Variants in C12orf57 observed in about 807,000 individuals in gnomAD.
C12orf57 encodes chromosome 12 open reading frame 57, also known as protein C10.
C12orf57 carries 14 observed loss-of-function variants against 11.3 expected under a neutral mutation model. That is an observed-to-expected ratio of 1.24 (90% CI 0.82 to 1.94). C12orf57 has a LOEUF of 1.94. Among genes scored for constraint, C12orf57 ranks in the 30% most tolerant of loss-of-function variants. The probability of loss-of-function intolerance (pLI) is 0.00; values close to 1 mark genes in which losing one functional copy is unlikely to be tolerated. For missense variants in C12orf57, 229 were observed against 172.4 expected, an observed-to-expected ratio of 1.33 and a Z score of -1.84; for synonymous variants, 100 against 74.6, an observed-to-expected ratio of 1.34 and a Z score of -1.76.
At chr12:6,945,659 A>C (rs781997047) in intron 2 of C12orf57, 112 bp from the exon 3 acceptor site, 43 of 1,196,180 alleles carry the variant, frequency 3.6e-5, no homozygotes, top group Non-Finnish European at 5.2e-5. Flanking sequence ...TGTTTGGCAA[A>C]CAGCTGCCCA....
intron 2 of C12orf57, 49 bp downstream of exon 2, chr12:6,944,701 G>C (rs1286312976): frequency 6.3e-7 from 1 of 1,599,490 alleles, no homozygotes; most frequent in African/African-American, 1.3e-5. Context: ...GCGGGAGTTG[G>C]GTCGGGAGAG....
At position 6,944,512 on chromosome 12, in the gene C12orf57, C is replaced by A. The variant is rs782646361; in HGVS notation, c.89C>A (p.Pro30Gln). ...LAEVIQAFSA[P>Q]ENAVRMDEAR... ...GAGGTGATCCAGGCGTTCTCCGCCC[C>A]GGAGAATGCAGTGCGCATGGACGAG... Residue 30 changes from proline to glutamine, a missense_variant, in exon 2 of 3, where the codon CCG becomes CAG. Physicochemically the swap from Pro to Gln is moderately conservative, Grantham distance 76. Coordinates refer to ENST00000229281, the MANE Select transcript of C12orf57 (RefSeq NM_138425.4). 6.2e-7 allele frequency: 1 copy of A among 1,613,400 alleles called. No individual in the cohort carries two copies. The highest frequency in any genetic ancestry group is 1.3e-5 in the African/African-American group (1 of 74,924).
intron 2 of C12orf57, among the ~76,000 whole-genome samples, chr12:6,945,353 C>G (rs1945775347): frequency 6.6e-6 from 1 of 152,110 alleles, no homozygotes; most frequent in African/African-American, 2.4e-5. Flanking sequence ...GGTGTTTCAG[C>G]TAATTTTTGT....
In C12orf57 at chr12:6,944,126, C is replaced by CG; in HGVS notation, c.6dup (p.Ser3ValfsTer12). On this transcript the variant is annotated frameshift_variant, in exon 1 of 3. Coordinates refer to ENST00000229281, the MANE Select transcript of C12orf57 (RefSeq NM_138425.4). LOFTEE classifies it high-confidence loss of function. ...ACCTAGAGCTTCAGACGCCCTATGG[C>CG]GTCCGCCTCGACCCAACCGGCGGCC... The CG allele has an allele frequency of 6.2e-7, 1 of 1,614,252 alleles. No individual in the cohort carries two copies. Among genetic ancestry groups the CG allele is most frequent in the Non-Finnish European group, 8.5e-7 (1 of 1,180,046 alleles).
Position 6,944,504 on chromosome 12 carries a change from C to T in C12orf57, c.81C>T (p.Phe27=), listed in dbSNP as rs781824392. ...TCCTCGCGGAGGTGATCCAGGCGTT[C>T]TCCGCCCCGGAGAATGCAGTGCGCA... ...KVVLAEVIQA[F]SAPENAVRMD... is the part of the protein sequence containing the mutation. The change falls in exon 2 of 3, where the codon TTC becomes TTT. Residue 27 remains phenylalanine (F), a synonymous_variant. Coordinates refer to ENST00000229281, the MANE Select transcript of C12orf57 (RefSeq NM_138425.4). 6.2e-7 allele frequency: 1 copy of T among 1,613,246 alleles called. No individual in the cohort carries two copies. Among genetic ancestry groups the T allele is most frequent in the African/African-American group, 1.3e-5 (1 of 75,046 alleles).
chr12:6,944,205 C>T (rs1223015885), intron 1 of C12orf57, 32 bp downstream of exon 1: 12 of 1,565,866 alleles, frequency 7.7e-6, no homozygotes, highest in South Asian at 2.3e-5. Context: ...GCATAGGCTG[C>T]TGGCCTGGGG....
At chr12:6,943,949 G>C (rs782166951), upstream of C12orf57, 39 of 1,474,678 alleles carry the variant, frequency 2.6e-5, no homozygotes, top group African/African-American at 4.1e-4. Context: ...TGGTGGTCTT[G>C]ATGCAGTTGT....
upstream of C12orf57, chr12:6,943,998 T>C: frequency 3.1e-6 from 5 of 1,590,688 alleles, no homozygotes; most frequent in Non-Finnish European, 3.4e-6. Context: ...GCCTGGGCGC[T>C]TCCGGCTGCG....
chr12:6,943,982 G>C (rs953516243), upstream of C12orf57: 149 of 1,578,340 alleles, frequency 9.4e-5, no homozygotes, highest in Non-Finnish European at 1.3e-4. Context: ...TGAAGGTTTG[G>C]GCCACGCCTG....
upstream of C12orf57, chr12:6,943,481 A>T: frequency 7.9e-7 from 1 of 1,267,466 alleles, no homozygotes; most frequent in South Asian, 1.3e-5. Flanking sequence ...TCATCAATAG[A>T]CAAGGCCTTT....
chr12:6,943,528 A>G (rs1483085241), upstream of C12orf57: 3 of 1,286,574 alleles, frequency 2.3e-6, no homozygotes, highest in Admixed American at 7.1e-5. Context: ...CTGGGCCTTT[A>G]CTGCCGAATC....
intron 1 of C12orf57, 30 bp downstream of exon 1, chr12:6,944,203 TGCTG>T: frequency 6.4e-7 from 1 of 1,565,856 alleles, no homozygotes; most frequent in Non-Finnish European, 8.8e-7. Context: ...AGGCATAGGC[TGCTG>T]GCCTGGGGTA....
At position 6,944,061 on chromosome 12, in the gene C12orf57, G is replaced by A. The variant is rs1016125994; in HGVS notation, c.-61G>A. Reference sequence around the variant, plus strand: ...GGGGCGTTGGGAACGGTTGTAGGACGTGGCTCTTTATTCGTGAGTTTTCCA... The same window carrying A: ...GGGGCGTTGGGAACGGTTGTAGGACATGGCTCTTTATTCGTGAGTTTTCCA... On this transcript the variant is annotated 5_prime_UTR_variant, in exon 1 of 3. In the 5' UTR this introduces an upstream ATG that the reference lacks. Coordinates refer to ENST00000229281, the MANE Select transcript of C12orf57 (RefSeq NM_138425.4). 50 of 1,613,110 alleles carry A rather than the reference G, an allele frequency of 3.1e-5. No homozygotes were observed. Among genetic ancestry groups the A allele is most frequent in the East Asian group, 2.5e-4 (11 of 44,878 alleles).
At chr12:6,944,006 G>T, upstream of C12orf57, 1 of 1,596,836 alleles carries the variant, frequency 6.3e-7, no homozygotes, top group Non-Finnish European at 8.5e-7. Flanking sequence ...GCTTCCGGCT[G>T]CGCCGGATGC....
upstream of C12orf57, chr12:6,943,768 A>T (rs1041448953): frequency 5.7e-6 from 6 of 1,057,568 alleles, no homozygotes; most frequent in South Asian, 3.2e-5. Flanking sequence ...ACCCTCATCA[A>T]TTGTGGAGTT....
Position 6,945,771 on chromosome 12 carries a change from G to A in C12orf57, c.230G>A (p.Gly77Asp). 1 of 1,613,554 alleles carries A rather than the reference G, an allele frequency of 6.2e-7. No homozygotes were observed. Among genetic ancestry groups the A allele is most frequent in the East Asian group, 2.2e-5 (1 of 44,862 alleles). Residue 77 changes from glycine (G) to aspartate (D), a missense_variant and splice_region_variant, in exon 3 of 3, where the codon GGT becomes GAT. Physicochemically the swap from Gly to Asp is moderately conservative, Grantham distance 94. Transcript: ENST00000229281. ...KAYGFSCDGE[G>D]VLKFARLVKS... ...GTTGACCTTCCACTCCCTCTTGCAG[G>A]TGTCCTTAAGTTTGCTCGCTTGGTC... is the stretch of plus-strand genomic sequence containing the variant.
Position 6,944,057 on chromosome 12 carries a change from G to T in C12orf57, c.-65G>T, listed in dbSNP as rs782634865. ...CCCAGGGGCGTTGGGAACGGTTGTAGGACGTGGCTCTTTATTCGTGAGTTT... is the reference window on the plus strand; with the variant it reads ...CCCAGGGGCGTTGGGAACGGTTGTATGACGTGGCTCTTTATTCGTGAGTTT... On this transcript the variant is annotated 5_prime_UTR_variant, in exon 1 of 3. The change creates a new upstream start codon in the 5' untranslated region. Coordinates refer to ENST00000229281, the MANE Select transcript of C12orf57 (RefSeq NM_138425.4). 1.9e-6 allele frequency: 3 copies of T among 1,612,550 alleles called. No homozygotes were observed. The highest frequency in any genetic ancestry group is 2.5e-6 in the Non-Finnish European group (3 of 1,179,714).
At chr12:6,944,355 T>G in intron 1 of C12orf57, 121 bp from the exon 2 acceptor site, 1 of 1,554,148 alleles carries the variant, frequency 6.4e-7, no homozygotes, top group Non-Finnish European at 8.7e-7. Flanking sequence ...CCCCAAGACT[T>G]GGGATCTTAT....
chr12:6,943,880 T>C (rs768926756), upstream of C12orf57: 24 of 1,008,766 alleles, frequency 2.4e-5, no homozygotes, highest in Non-Finnish European at 2.2e-5. Context: ...AAAGCCCCTC[T>C]TATGATGTTT....
Sources: allele counts gnomAD v4.1 joint callset (sites outside exome capture counted in the v4.1 genomes callset), GRCh38; gene constraint gnomAD v4.1.1; transcripts MANE v1.5; gene names NCBI Gene and HGNC (gene_info 2026-07-23, HGNC 2026-07-21).